The following ZBTB46 variants were observed in gnomAD, a reference collection of about 807,000 sequenced individuals.
The protein encoded by ZBTB46 is zinc finger and BTB domain-containing protein 46.
A neutral mutation model predicts 44.1 loss-of-function variants in ZBTB46; 8 were observed. The ratio of observed to expected loss-of-function variants is 0.18; its 90% CI spans 0.11 to 0.33. The LOEUF is 0.33. Among genes scored for constraint, ZBTB46 ranks in the 10% least tolerant of loss-of-function variants. The probability of loss-of-function intolerance (pLI) is 1.00; values close to 1 mark genes in which losing one functional copy is unlikely to be tolerated. For synonymous variants in ZBTB46, 409 were observed against 382.3 expected, an observed-to-expected ratio of 1.07 and a Z score of -0.81; for missense variants, 651 against 847.7, an observed-to-expected ratio of 0.77 and a Z score of 2.88.
At chr20:63,786,604 C>G (rs2092516348) in intron 2 of ZBTB46, among the ~76,000 whole-genome samples, 1 of 152,166 alleles carries the variant, frequency 6.6e-6, no homozygotes, top group Non-Finnish European at 1.5e-5. Context: ...CTCCGCCTCC[C>G]TGGTTCAAGA....
At chr20:63,808,391 CA>C (rs1435794835) in intron 1 of ZBTB46, among the ~76,000 whole-genome samples, 1 of 152,200 alleles carries the variant, frequency 6.6e-6, no homozygotes, top group African/African-American at 2.4e-5. Flanking sequence ...CCCGGGGCTT[CA>C]GGGGGGCGTG....
At position 63,790,623 on chromosome 20, in the gene ZBTB46, G is replaced by A. The variant is rs758779602; in HGVS notation, c.135C>T (p.His45=). The change falls in exon 2 of 5, where the codon CAC becomes CAT. Residue 45 remains histidine, a synonymous_variant. Transcript: ENST00000245663. ...GGCTGCTGCCCAGCAGGACGTTCTT[G>A]TGCGCCTTGAAGACCTTGCCCTCCA... ...VVVEGKVFKA[H]KNVLLGSSRY... is the part of the protein sequence containing the mutation. 6.2e-7 allele frequency: 1 copy of A among 1,611,720 alleles called. No homozygotes were observed. Among genetic ancestry groups the A allele is most frequent in the Non-Finnish European group, 8.5e-7 (1 of 1,180,036 alleles).
intron 1 of ZBTB46, among the ~76,000 whole-genome samples, chr20:63,802,870 C>T (rs1386673817): frequency 6.6e-6 from 1 of 152,058 alleles, no homozygotes; most frequent in Non-Finnish European, 1.5e-5. Context: ...CCCCCAGCAC[C>T]CTCCCAGGAA....
At chr20:63,830,999 G>A (rs2092847894) in intron 1 of ZBTB46, 98 bp downstream of exon 1, 1 of 142,680 alleles carries the variant, frequency 7.0e-6, no homozygotes, top group African/African-American at 2.5e-5. Context: ...GCGCGCCCGG[G>A]CTCGCAGCGG....
chr20:63,775,829 C>T lies in ZBTB46; in HGVS notation c.1071G>A (p.Lys357=). Residue 357 remains lysine, a synonymous_variant, in exon 3 of 5, where the codon AAG becomes AAA. Transcript: ENST00000245663. ...CGGTGGCCTGATGCAGGGCGTCGTC[C>T]TTCTCTGGGGTGAGGGGAGGGCCCA... ...SYLGPPLTPE[K]DDALHQATAV... is the part of the protein sequence containing the mutation. 2 of 1,613,528 alleles carry T rather than the reference C, an allele frequency of 1.2e-6. No homozygotes were observed. The highest frequency in any genetic ancestry group is 1.1e-5 in the South Asian group (1 of 91,078).
At chr20:63,830,627 G>T (rs1190840951) in intron 1 of ZBTB46, among the ~76,000 whole-genome samples, 2 of 149,938 alleles carry the variant, frequency 1.3e-5, no homozygotes, top group Non-Finnish European at 3.0e-5. Context: ...TGCCGGCGGG[G>T]GGCGCGGGCG....
chr20:63,794,022 TA>T (rs1005844233), intron 1 of ZBTB46, among the ~76,000 whole-genome samples: 2 of 151,900 alleles, frequency 1.3e-5, no homozygotes, highest in Admixed American at 1.3e-4. Flanking sequence ...CCGTCTCTAC[TA>T]AAAATACAAA....
At chr20:63,757,219 T>C (rs1254260598) in intron 3 of ZBTB46, among the ~76,000 whole-genome samples, 1 of 152,124 alleles carries the variant, frequency 6.6e-6, no homozygotes, top group Non-Finnish European at 1.5e-5. Flanking sequence ...CGCCTCTGGG[T>C]TCAAGTGATT....
chr20:63,802,279 C>T (rs987166936), intron 1 of ZBTB46, among the ~76,000 whole-genome samples: 3 of 151,946 alleles, frequency 2.0e-5, no homozygotes, highest in Non-Finnish European at 4.4e-5. Context: ...AAATATTAGC[C>T]GGGTGTGGTG....
At chr20:63,823,146 C>T (rs760446873) in intron 1 of ZBTB46, among the ~76,000 whole-genome samples, 7 of 151,840 alleles carry the variant, frequency 4.6e-5, no homozygotes, top group South Asian at 2.1e-4. Context: ...CCAGCCTGAG[C>T]GACAGAGCGA....
intron 1 of ZBTB46, among the ~76,000 whole-genome samples, chr20:63,799,354 T>TC (rs982419297): frequency 2.0e-5 from 3 of 149,070 alleles, no homozygotes; most frequent in African/African-American, 7.5e-5. Flanking sequence ...GAGACTAACT[T>TC]TTTTTTTTCT....
At chr20:63,777,295 C>CA (rs980348695) in intron 2 of ZBTB46, among the ~76,000 whole-genome samples, 1 of 152,082 alleles carries the variant, frequency 6.6e-6, no homozygotes, top group African/African-American at 2.4e-5. Flanking sequence ...CACAGCAGGA[C>CA]AAAAAGTTAA....
intron 1 of ZBTB46, among the ~76,000 whole-genome samples, chr20:63,795,619 G>C (rs531527536): frequency 3.9e-5 from 6 of 152,250 alleles, no homozygotes; most frequent in Non-Finnish European, 8.8e-5. Flanking sequence ...CGGCGAGCCT[G>C]TGCTTCTAGG....
At chr20:63,753,646 C>T (rs753130599) in intron 3 of ZBTB46, among the ~76,000 whole-genome samples, 19 of 152,238 alleles carry the variant, frequency 1.2e-4, no homozygotes, top group Non-Finnish European at 2.8e-4. Context: ...ACCTGAAGCC[C>T]GGTGCACGCA....
chr20:63,800,319 G>A (rs970741138), intron 1 of ZBTB46, among the ~76,000 whole-genome samples: 1 of 152,216 alleles, frequency 6.6e-6, no homozygotes, highest in Non-Finnish European at 1.5e-5. Flanking sequence ...GCAGACAACC[G>A]GCCAGGGGCT....
intron 2 of ZBTB46, among the ~76,000 whole-genome samples, chr20:63,785,633 T>C (rs1021983362): frequency 2.0e-5 from 3 of 152,188 alleles, no homozygotes; most frequent in Admixed American, 6.5e-5. Flanking sequence ...TTCTCTAAGA[T>C]AGAATAAATC....
Position 63,787,631 on chromosome 20 carries a change from T to C in ZBTB46, c.937+2190A>G, listed in dbSNP as rs1330094985. On this transcript the variant is annotated intron_variant, in intron 2 of 4. Coordinates refer to ENST00000245663, the MANE Select transcript of ZBTB46 (RefSeq NM_001369741.1). The surrounding 1 kb of genome is among the most constrained non-coding windows in gnomAD (Gnocchi z 4.6). ...CCTATAACCGGCTGCACTTTCTAGT[T>C]TTGTGACGGGCGCTCCATGACGCTC... 6.6e-6 allele frequency: 1 copy of C among 152,232 alleles called. No individual in the cohort carries two copies. The highest frequency in any genetic ancestry group is 1.5e-5 in the Non-Finnish European group (1 of 68,054). The allele number at this position is 152,232 out of a possible 1,614,324, so 9.4% of individuals were successfully genotyped here.
chr20:63,822,343 C>A (rs1174295453), intron 1 of ZBTB46, among the ~76,000 whole-genome samples: 2 of 152,138 alleles, frequency 1.3e-5, no homozygotes, highest in Non-Finnish European at 2.9e-5. Flanking sequence ...GAGACGGGCA[C>A]TTTTGTATGT....
intron 2 of ZBTB46, among the ~76,000 whole-genome samples, chr20:63,785,792 A>C (rs1212447391): frequency 6.6e-6 from 1 of 152,146 alleles, no homozygotes; most frequent in Admixed American, 6.6e-5. Context: ...CCATCCTCAC[A>C]CAGCTCACAG....
Sources: gnomAD v4.1 joint callset for allele counts (sites outside exome capture counted in the v4.1 genomes callset) on GRCh38, gnomAD v4.1.1 for gene constraint, Gnocchi (gnomAD v3.1) non-coding constraint, MANE v1.5 for transcripts, NCBI Gene and HGNC (gene_info 2026-07-23, HGNC 2026-07-21) for gene names.